The following CEP85L variants were observed in gnomAD, a reference collection of about 807,000 sequenced individuals.
The protein encoded by CEP85L is centrosomal protein 85L.
Under a neutral mutation model 100.3 loss-of-function variants are expected in CEP85L, and 60 were observed. The observed-to-expected ratio is 0.60, with a 90% CI of 0.49 to 0.74. CEP85L has a LOEUF of 0.74. Among genes scored for constraint, CEP85L ranks in the 30% least tolerant of loss-of-function variants. CEP85L has a pLI of 0.00. For synonymous variants in CEP85L, 319 were observed against 322.7 expected (o/e 0.99, Z 0.12); for missense variants, 973 against 936.2 (o/e 1.04, Z -0.51).
chr6:118,519,595 T>TGG (rs1776539031), intron 4 of CEP85L, among the ~76,000 whole-genome samples: 1 of 42,292 alleles, frequency 2.4e-5, no homozygotes, highest in Non-Finnish European at 4.5e-5. Context: ...GGGGGGGGGG[T>TGG]GTGAAACTCC....
chr6:118,635,638 A>G (rs1336532221), intron 1 of CEP85L, among the ~76,000 whole-genome samples: 2 of 152,220 alleles, frequency 1.3e-5, no homozygotes, highest in Non-Finnish European at 2.9e-5. Flanking sequence ...TCAGATTCCT[A>G]GTAACAATTT....
At chr6:118,584,304 A>T (rs2115090684) in intron 2 of CEP85L, among the ~76,000 whole-genome samples, 1 of 152,290 alleles carries the variant, frequency 6.6e-6, no homozygotes, top group East Asian at 1.9e-4. Flanking sequence ...AGGGGACCAG[A>T]GCATTAGGGA....
intron 1 of CEP85L, among the ~76,000 whole-genome samples, chr6:118,708,051 A>G (rs937823265): frequency 1.6e-4 from 25 of 152,300 alleles, no homozygotes; most frequent in African/African-American, 5.5e-4. Context: ...CGACAAACCT[A>G]CTAACTCTTA....
chr6:118,661,018 TG>T (rs1276596250), intron 1 of CEP85L, among the ~76,000 whole-genome samples: 3 of 152,134 alleles, frequency 2.0e-5, no homozygotes, highest in Non-Finnish European at 4.4e-5. Context: ...CCCCAGTAGC[TG>T]GGATTACAGG....
intron 4 of CEP85L, among the ~76,000 whole-genome samples, chr6:118,516,909 T>C (rs1002197735): frequency 6.6e-6 from 1 of 152,184 alleles, no homozygotes; most frequent in African/African-American, 2.4e-5. Context: ...AATCCATCTT[T>C]AGTTAATTTT....
intron 1 of CEP85L, among the ~76,000 whole-genome samples, chr6:118,633,202 AT>A (rs1415943373): frequency 7.3e-6 from 1 of 136,432 alleles, no homozygotes; most frequent in Admixed American, 7.3e-5. Flanking sequence ...TCTTAGCTTG[AT>A]TTGTCTTTTT....
chr6:118,633,450 C>T (rs1236981068), intron 1 of CEP85L, among the ~76,000 whole-genome samples: 2 of 152,118 alleles, frequency 1.3e-5, no homozygotes, highest in Non-Finnish European at 1.5e-5. Context: ...GTGATCCACC[C>T]GCCTCCGCCT....
chr6:118,697,857 T>A (rs1562364904), intron 1 of CEP85L, among the ~76,000 whole-genome samples: 1 of 152,232 alleles, frequency 6.6e-6, no homozygotes, highest in African/African-American at 2.4e-5. Flanking sequence ...ATCTGGTTTC[T>A]ATCTGGGCCC....
intron 1 of CEP85L, among the ~76,000 whole-genome samples, chr6:118,702,601 A>T (rs191003459): frequency 1.8e-4 from 28 of 152,370 alleles, no homozygotes; most frequent in Admixed American, 1.6e-3. Flanking sequence ...ATTTCTTTAT[A>T]TAGACCTTTT....
chr6:118,530,967 A>C (rs1777258474), intron 3 of CEP85L, among the ~76,000 whole-genome samples: 1 of 152,224 alleles, frequency 6.6e-6, no homozygotes, highest in African/African-American at 2.4e-5. Context: ...TATTCCTATC[A>C]AACTACCAAT....
At chr6:118,649,074 A>G (rs1775384834) in intron 1 of CEP85L, among the ~76,000 whole-genome samples, 2 of 152,162 alleles carry the variant, frequency 1.3e-5, no homozygotes, top group Non-Finnish European at 2.9e-5. Flanking sequence ...GACCTTCACC[A>G]TCTGCTCACT....
At chr6:118,696,134 G>C (rs1165316139) in intron 1 of CEP85L, among the ~76,000 whole-genome samples, 1 of 152,118 alleles carries the variant, frequency 6.6e-6, no homozygotes, top group Non-Finnish European at 1.5e-5. Flanking sequence ...AGCCTGATGT[G>C]GTGGCACATG....
At chr6:118,562,876 G>C (rs908863103) in intron 3 of CEP85L, among the ~76,000 whole-genome samples, 1 of 152,100 alleles carries the variant, frequency 6.6e-6, no homozygotes, top group African/African-American at 2.4e-5. Flanking sequence ...GAGATCCATC[G>C]TGGGCTTACA....
At chr6:118,693,736 A>G (rs1233166360) in intron 1 of CEP85L, among the ~76,000 whole-genome samples, 1 of 152,216 alleles carries the variant, frequency 6.6e-6, no homozygotes, top group African/African-American at 2.4e-5. Flanking sequence ...AGCATCAGAT[A>G]TCACAGCTGG....
intron 2 of CEP85L, among the ~76,000 whole-genome samples, chr6:118,619,145 T>A (rs1208799395): frequency 1.3e-5 from 2 of 151,952 alleles, no homozygotes; most frequent in Non-Finnish European, 2.9e-5. Context: ...CGGGCATACC[T>A]GTGTTTAAAA....
chr6:118,551,316 C>T (rs1226364895), intron 3 of CEP85L, among the ~76,000 whole-genome samples: 1 of 151,698 alleles, frequency 6.6e-6, no homozygotes, highest in Admixed American at 6.6e-5. Context: ...TAGTTTTCAA[C>T]CCCCAACCCC....
chr6:118,641,089 ATTC>A (rs1483774245), intron 1 of CEP85L, among the ~76,000 whole-genome samples: 1 of 152,142 alleles, frequency 6.6e-6, no homozygotes, highest in African/African-American at 2.4e-5. Context: ...CATAACAATA[ATTC>A]TTCTGCTCCT....
chr6:118,597,895 G>A (rs1781536036), intron 2 of CEP85L, among the ~76,000 whole-genome samples: 1 of 152,190 alleles, frequency 6.6e-6, no homozygotes, highest in Admixed American at 6.5e-5. Flanking sequence ...AACTGAGGAA[G>A]GCTAGTTCCT....
chr6:118,647,772 G>C (rs773046471), intron 1 of CEP85L, among the ~76,000 whole-genome samples: 1 of 152,156 alleles, frequency 6.6e-6, no homozygotes, highest in Non-Finnish European at 1.5e-5. Flanking sequence ...AAAAGCCTAC[G>C]GGAAATATGT....
Sources: gnomAD v4.1 joint callset for allele counts (sites outside exome capture counted in the v4.1 genomes callset) on GRCh38, gnomAD v4.1.1 for gene constraint, MANE v1.5 for transcripts, NCBI Gene and HGNC (gene_info 2026-07-23, HGNC 2026-07-21) for gene names.